The following DCC variants were observed in gnomAD, a reference collection of about 807,000 sequenced individuals.
DCC encodes the protein DCC netrin 1 receptor, also known as netrin receptor DCC.
Under a neutral mutation model 172.5 loss-of-function variants are expected in DCC, and 58 were observed. That is an observed-to-expected ratio of 0.34 (90% confidence interval 0.27 to 0.42). The LOEUF is 0.42. Among genes scored for constraint, DCC ranks in the 10% least tolerant of loss-of-function variants. The pLI, the probability that DCC is intolerant of heterozygous loss-of-function variation, is 1.00. For synonymous variants in DCC, 709 were observed against 644.5 expected, an observed-to-expected ratio of 1.10 and a Z score of -1.52; for missense variants, 1,740 against 1,791.0, an observed-to-expected ratio of 0.97 and a Z score of 0.51.
intron 9 of DCC, among the ~76,000 whole-genome samples, chr18:53,184,945 A>G (rs879523711): frequency 6.6e-6 from 1 of 152,314 alleles, no homozygotes; most frequent in East Asian, 1.9e-4. Flanking sequence ...ACTGCACTGC[A>G]CTGAGATTTG....
intron 1 of DCC, among the ~76,000 whole-genome samples, chr18:52,375,794 G>T (rs1327929882): frequency 6.6e-6 from 1 of 152,204 alleles, no homozygotes; most frequent in Non-Finnish European, 1.5e-5. Flanking sequence ...GGCAGTAGAA[G>T]AGACATCCTG....
intron 12 of DCC, among the ~76,000 whole-genome samples, chr18:53,216,340 T>C (rs1199852137): frequency 2.0e-5 from 3 of 152,184 alleles, no homozygotes; most frequent in Admixed American, 1.3e-4. Flanking sequence ...TCCAGTTAGG[T>C]ACTTCTCATG....
intron 5 of DCC, among the ~76,000 whole-genome samples, chr18:53,029,136 T>G (rs1481744716): frequency 1.3e-5 from 2 of 151,924 alleles, no homozygotes; most frequent in African/African-American, 2.4e-5. Flanking sequence ...GAGCCATATT[T>G]TGTCTTTACA....
chr18:52,779,529 G>A (rs2037494514), intron 2 of DCC, among the ~76,000 whole-genome samples: 1 of 152,078 alleles, frequency 6.6e-6, no homozygotes, highest in Admixed American at 6.6e-5. Flanking sequence ...TATATGTGTT[G>A]CATTTTCTTT....
chr18:53,483,203 A>C (rs2045858077), intron 25 of DCC, among the ~76,000 whole-genome samples: 1 of 151,882 alleles, frequency 6.6e-6, no homozygotes, highest in Non-Finnish European at 1.5e-5. Flanking sequence ...TCATTTTTTA[A>C]ATTTCCCTTT....
intron 1 of DCC, among the ~76,000 whole-genome samples, chr18:52,688,611 T>A (rs1386547775): frequency 6.6e-6 from 1 of 152,018 alleles, no homozygotes; most frequent in Admixed American, 6.6e-5. Context: ...ATGAGATTAA[T>A]GCTAAATGAG....
intron 7 of DCC, among the ~76,000 whole-genome samples, chr18:53,096,635 A>C (rs959218812): frequency 4.6e-5 from 7 of 152,130 alleles, no homozygotes; most frequent in African/African-American, 1.2e-4. Flanking sequence ...TGGAGGGGCT[A>C]TGCTTTAGAT....
intron 5 of DCC, among the ~76,000 whole-genome samples, chr18:53,016,819 A>G (rs1173769105): frequency 6.6e-6 from 1 of 152,064 alleles, no homozygotes. Flanking sequence ...CTGCCCTTTA[A>G]TGTTTACAGC....
intron 1 of DCC, among the ~76,000 whole-genome samples, chr18:52,568,095 G>A (rs1292309359): frequency 6.6e-6 from 1 of 152,148 alleles, no homozygotes; most frequent in Admixed American, 6.6e-5. Context: ...GGGGTGCACT[G>A]AGTGATGGGT....
intron 1 of DCC, among the ~76,000 whole-genome samples, chr18:52,652,722 G>GTGTGTGTGTA (rs2035162311): frequency 6.6e-6 from 1 of 151,636 alleles, no homozygotes; most frequent in Non-Finnish European, 1.5e-5. Flanking sequence ...GTGTGTGTGT[G>GTGTGTGTGTA]TGTGTGTGTG....
chr18:52,836,317 C>T (rs906066706), intron 2 of DCC, among the ~76,000 whole-genome samples: 3 of 152,178 alleles, frequency 2.0e-5, no homozygotes, highest in African/African-American at 7.2e-5. Flanking sequence ...CAATCATGCC[C>T]TTCCAACAGT....
At chr18:53,468,033 A>G (rs973544059) in intron 25 of DCC, 23 bp downstream of exon 25, 2 of 1,060,520 alleles carry the variant, frequency 1.9e-6, no homozygotes, top group Non-Finnish European at 1.5e-6. Context: ...TGGTGCCACA[A>G]TGAAGAAATG....
intron 5 of DCC, among the ~76,000 whole-genome samples, chr18:52,935,350 T>C (rs1347940603): frequency 2.1e-5 from 3 of 145,250 alleles, no homozygotes; most frequent in African/African-American, 7.5e-5. Context: ...TTAGGTCTTA[T>C]ATTTATAAAT....
intron 27 of DCC, among the ~76,000 whole-genome samples, chr18:53,503,720 G>GTAAT (rs1047734444): frequency 2.6e-5 from 4 of 152,118 alleles, no homozygotes; most frequent in Admixed American, 2.6e-4. Flanking sequence ...TTCTAGAGAT[G>GTAAT]TAATTCTAAA....
intron 12 of DCC, among the ~76,000 whole-genome samples, chr18:53,284,642 TG>T (rs1207911886): frequency 2.0e-5 from 3 of 152,056 alleles, no homozygotes; most frequent in African/African-American, 7.2e-5. Context: ...AAATTGGTAG[TG>T]GGAGTAGGGC....
At chr18:52,345,296 A>G (rs1410463818) in intron 1 of DCC, among the ~76,000 whole-genome samples, 2 of 152,352 alleles carry the variant, frequency 1.3e-5, no homozygotes, top group African/African-American at 4.8e-5. Flanking sequence ...CTGGAAAAGT[A>G]CTGTACTCCC....
At chr18:53,313,898 C>G (rs1568049731) in intron 13 of DCC, among the ~76,000 whole-genome samples, 1 of 152,194 alleles carries the variant, frequency 6.6e-6, no homozygotes, top group Non-Finnish European at 1.5e-5. Flanking sequence ...TTATTCATGT[C>G]TCTAAAATGG....
intron 1 of DCC, among the ~76,000 whole-genome samples, chr18:52,469,358 C>A (rs1293372850): frequency 6.6e-6 from 1 of 152,166 alleles, no homozygotes; most frequent in Non-Finnish European, 1.5e-5. Flanking sequence ...CAGGCATGAA[C>A]CACTGTGCCC....
At chr18:53,254,376 A>G (rs60384685) in intron 12 of DCC, among the ~76,000 whole-genome samples, 7,866 of 152,042 alleles carry the variant, frequency 0.052, 704 homozygotes, top group African/African-American at 0.18. Context: ...ATCAACCCCA[A>G]TTTGTACTGG....
Sources: gnomAD v4.1 joint callset for allele counts (sites outside exome capture counted in the v4.1 genomes callset) on GRCh38, gnomAD v4.1.1 for gene constraint, MANE v1.5 for transcripts, NCBI Gene and HGNC (gene_info 2026-07-23, HGNC 2026-07-21) for gene names.